The following GLO1 variants were observed in gnomAD, a reference collection of about 807,000 sequenced individuals.
GLO1 encodes glyoxalase I, also known as lactoylglutathione lyase.
A neutral mutation model predicts 26.0 loss-of-function variants in GLO1; 28 were observed. The ratio of observed to expected loss-of-function variants is 1.08; its 90% confidence interval spans 0.80 to 1.48. The LOEUF (loss-of-function observed/expected upper bound fraction) is 1.48. Among genes scored for constraint, GLO1 ranks in the 40% most tolerant of loss-of-function variants. The pLI, the probability that GLO1 is intolerant of heterozygous loss-of-function variation, is 0.00. For missense variants in GLO1, 225 were observed against 224.8 expected (o/e 1.00, Z -0.01); for synonymous variants, 78 against 77.6 (o/e 1.00, Z -0.03).
intron 1 of GLO1, among the ~76,000 whole-genome samples, chr6:38,697,792 A>C (rs187833187): frequency 6.6e-6 from 1 of 152,358 alleles, no homozygotes; most frequent in East Asian, 1.9e-4. Flanking sequence ...ACTTTTAAAA[A>C]TGAGCTTTTC....
Position 38,701,885 on chromosome 6 carries a change from C to G in GLO1, c.84+1086G>C, listed in dbSNP as rs142208327. Among the ~76,000 whole-genome samples the G allele has an allele frequency of 3.6e-3, 543 of 151,146 alleles. 3 individuals are homozygous for G. Among genetic ancestry groups the G allele is most frequent in the African/African-American group, 0.012 (492 of 41,218 alleles). On this transcript the variant is annotated intron_variant, in intron 1 of 5. Transcript: ENST00000373365. The stretch of plus-strand genomic sequence containing the variant: ...AAATAAATACAAAGGTGTTTACAGA[C>G]ACTGATGACTTCACTGGAATAAACA...
In GLO1 at chr6:38,677,386, GTA is replaced by G; in HGVS notation, c.467-5_467-4del. On this transcript the variant is annotated splice_polypyrimidine_tract_variant and splice_region_variant and intron_variant, in intron 5 of 5. Coordinates refer to ENST00000373365, the MANE Select transcript of GLO1 (RefSeq NM_006708.3). The stretch of plus-strand genomic sequence containing the variant: ...AAATGCCAGGCCTTTCATTTTACCT[GTA>G]AAATGAAAATTTTCATTATTGAAAA... The G allele has an allele frequency of 7.4e-7, 1 of 1,352,248 alleles. No homozygotes were observed. The highest frequency in any genetic ancestry group is 1.1e-6 in the Non-Finnish European group (1 of 948,694). The allele number at this position is 1,352,248 out of a possible 1,614,324, so 83.8% of individuals were successfully genotyped here. A position where few individuals can be genotyped will look rare whatever the true frequency, so the allele number is the denominator to read the frequency against.
rs745962006 is a variant in GLO1 at position 38,686,920 on chromosome 6, C to T, written c.139G>A (p.Asp47Asn). The T allele has an allele frequency of 6.2e-7, 1 of 1,600,988 alleles. No homozygotes were observed. The highest frequency in any genetic ancestry group is 1.3e-5 in the African/African-American group (1 of 74,752). Reference sequence around the variant, plus strand: ...ATTCCAAGAACTCTAGTATAAAAATCCAGTGACTTCTTAGGATCCTTCACT... The same window carrying T: ...ATTCCAAGAACTCTAGTATAAAAATTCAGTGACTTCTTAGGATCCTTCACT... ...LRVKDPKKSLDFYTRVLGMTL... is the reference protein window; with the variant it reads ...LRVKDPKKSLNFYTRVLGMTL... The change falls in exon 2 of 6, where the codon GAT becomes AAT. Residue 47 changes from aspartate to asparagine, a missense_variant. Physicochemically the swap from Asp to Asn is conservative, Grantham distance 23. Transcript: ENST00000373365.
Position 38,684,452 on chromosome 6 carries a change from T to A in GLO1, c.230A>T (p.Asp77Val), listed in dbSNP as rs1761432665. The A allele has an allele frequency of 1.9e-6, 3 of 1,575,700 alleles. No homozygotes were observed. The highest frequency in any genetic ancestry group is 1.4e-5 in the African/African-American group (1 of 72,962). Residue 77 changes from aspartate (D) to valine (V), a missense_variant, in exon 3 of 6, where the codon GAT becomes GTT. Coordinates refer to ENST00000373365, the MANE Select transcript of GLO1 (RefSeq NM_006708.3). ...KFSLYFLAYE[D>V]KNDIPKEKDE... ...TTTTTCTTTAGGGATGTCATTTTTA[T>A]CCTCATAAGCCAAGAAGTAGAGTGA...
At chr6:38,697,289 G>A (rs1761626129) in intron 1 of GLO1, among the ~76,000 whole-genome samples, 1 of 152,202 alleles carries the variant, frequency 6.6e-6, no homozygotes, top group Non-Finnish European at 1.5e-5. Flanking sequence ...CATGGTGCCA[G>A]TTTACTCAAA....
chr6:38,695,306 A>G (rs1173737472), intron 1 of GLO1, among the ~76,000 whole-genome samples: 2 of 152,096 alleles, frequency 1.3e-5, no homozygotes, highest in African/African-American at 4.8e-5. Context: ...GTATATACAT[A>G]TGGCATATAT....
intron 1 of GLO1, among the ~76,000 whole-genome samples, chr6:38,691,953 C>A (rs976156842): frequency 6.6e-6 from 1 of 152,138 alleles, no homozygotes; most frequent in East Asian, 1.9e-4. Context: ...TCTGCCAATA[C>A]CACAGAGTAG....
At chr6:38,689,623 A>G (rs1300259003) in intron 1 of GLO1, among the ~76,000 whole-genome samples, 1 of 152,160 alleles carries the variant, frequency 6.6e-6, no homozygotes, top group Non-Finnish European at 1.5e-5. Context: ...TCTTTCTGGA[A>G]AACAACTGGA....
At position 38,675,968 on chromosome 6, in the gene GLO1, C is replaced by T. The variant is rs1437821799; in HGVS notation, c.*1327G>A. 1 of 149,686 alleles carries T rather than the reference C, an allele frequency of 6.7e-6. No homozygotes were observed. Among genetic ancestry groups the T allele is most frequent in the African/African-American group, 2.5e-5 (1 of 40,778 alleles). 9.3% of individuals were successfully genotyped at this position (149,686 alleles called of 1,614,324 possible). On this transcript the variant is annotated 3_prime_UTR_variant, in exon 6 of 6. Coordinates refer to ENST00000373365, the MANE Select transcript of GLO1 (RefSeq NM_006708.3). ...TCTTATTTGAAGTTTCATTTTATTTCAGTCTATAAGTATTGCTATTTGTTT... is the reference window on the plus strand; with the variant it reads ...TCTTATTTGAAGTTTCATTTTATTTTAGTCTATAAGTATTGCTATTTGTTT...
intron 1 of GLO1, among the ~76,000 whole-genome samples, chr6:38,702,079 C>T (rs534105692): frequency 3.3e-5 from 5 of 152,108 alleles, no homozygotes; most frequent in South Asian, 2.1e-4. Context: ...TACAGGCACC[C>T]GCCACCACGC....
At chr6:38,682,687 C>T in intron 4 of GLO1, 121 bp downstream of exon 4, 1 of 519,612 alleles carries the variant, frequency 1.9e-6, no homozygotes, top group Non-Finnish European at 3.5e-6. Flanking sequence ...AATCATATCT[C>T]TAATAAATTG....
chr6:38,687,303 G>A (rs148765553), intron 1 of GLO1, among the ~76,000 whole-genome samples: 1 of 151,706 alleles, frequency 6.6e-6, no homozygotes, highest in Admixed American at 6.6e-5. Flanking sequence ...GCCCACAGTG[G>A]TAATCCACTC....
chr6:38,695,648 T>C (rs570078201), intron 1 of GLO1, among the ~76,000 whole-genome samples: 1 of 152,246 alleles, frequency 6.6e-6, no homozygotes, highest in South Asian at 2.1e-4. Context: ...AGGGGAAGGC[T>C]GGGCAGCTCA....
chr6:38,696,711 A>G (rs1761615414), intron 1 of GLO1, among the ~76,000 whole-genome samples: 1 of 152,172 alleles, frequency 6.6e-6, no homozygotes. Context: ...CATTCAGACC[A>G]TAGCACCTTT....
At chr6:38,699,426 A>T (rs1254655996) in intron 1 of GLO1, among the ~76,000 whole-genome samples, 1 of 152,184 alleles carries the variant, frequency 6.6e-6, no homozygotes. Context: ...CTTGAAAAAC[A>T]ACAGAAAAAC....
rs759126965 is a variant in GLO1, at chr6:38,702,981, G to C, written c.74C>G (p.Pro25Arg). The change falls in exon 1 of 6, where the codon CCC (proline) becomes CGC (arginine). Residue 25 changes from proline (P) to arginine (R), a missense_variant. Pro to Arg is a moderately radical substitution (Grantham distance 103, BLOSUM62 -2). Transcript: ENST00000373365. The part of the protein sequence containing the change: ...AALSCCSDAD[P>R]STKDFLLQQT... The stretch of plus-strand genomic sequence containing the variant: ...CGGTCCTGTGCCCACCTTGGTACTG[G>C]GGTCCGCGTCGGAGCAGCAACTGAG... The C allele has an allele frequency of 1.3e-6, 2 of 1,574,596 alleles. No homozygotes were observed. The highest frequency in any genetic ancestry group is 1.7e-6 in the Non-Finnish European group (2 of 1,146,002).
At chr6:38,697,994 T>C (rs947320991) in intron 1 of GLO1, among the ~76,000 whole-genome samples, 38 of 152,134 alleles carry the variant, frequency 2.5e-4, no homozygotes, top group Non-Finnish European at 5.0e-4. Context: ...TGAGAGACAG[T>C]CCCAAAAGCA....
At chr6:38,677,701 C>G (rs1329698102) in intron 5 of GLO1, among the ~76,000 whole-genome samples, 1 of 152,228 alleles carries the variant, frequency 6.6e-6, no homozygotes, top group Non-Finnish European at 1.5e-5. Context: ...AAGCACAAAC[C>G]ACTGCACCTG....
chr6:38,686,338 G>T (rs1761459861), intron 2 of GLO1, among the ~76,000 whole-genome samples: 1 of 151,904 alleles, frequency 6.6e-6, no homozygotes, highest in Admixed American at 6.6e-5. Context: ...ATAACTTAGG[G>T]AAACAAATCA....
Sources: allele counts gnomAD v4.1 joint callset (sites outside exome capture counted in the v4.1 genomes callset), GRCh38; gene constraint gnomAD v4.1.1; transcripts MANE v1.5; gene names NCBI Gene and HGNC (gene_info 2026-07-23, HGNC 2026-07-21).